Variants in USF3 observed in about 807,000 individuals in gnomAD.
The protein encoded by USF3 is upstream transcription factor family member 3, also known as basic helix-loop-helix domain-containing protein USF3.
A neutral mutation model predicts 157.5 loss-of-function variants in USF3; 29 were observed. That is an observed-to-expected ratio of 0.18 (90% CI 0.14 to 0.25). The LOEUF is 0.25. Ranked by LOEUF, USF3 falls within the 10% of genes least tolerant of loss-of-function variation. The pLI is 1.00. For synonymous variants in USF3, 893 were observed against 941.4 expected (o/e 0.95, Z 0.94); for missense variants, 2,381 against 2,667.6 (o/e 0.89, Z 2.37).
In USF3 at chr3:113,655,051, G is replaced by C. The variant is rs769128907; in HGVS notation, c.6631C>G (p.Leu2211Val). ...GAGGCAGAGGAATTTGCTATTGTAA[G>C]CAAAGGTGACATTGCTGAGCCATCA... is the stretch of plus-strand genomic sequence containing the variant. ...LPDGSAMSPL[L>V]TIANSSASDS... The change falls in exon 7 of 7, where the codon CTT becomes GTT. Residue 2211 changes from leucine (L) to valine (V), a missense_variant. Leu to Val is a conservative substitution (Grantham distance 32). Around this residue, in one of 6 missense-constraint regions of USF3, gnomAD observed 770 missense variants for 824.2 expected, o/e 0.93. Coordinates refer to ENST00000316407, the MANE Select transcript of USF3 (RefSeq NM_001009899.4). 8 of 1,614,224 alleles carry C rather than the reference G, an allele frequency of 5.0e-6. No individual in the cohort carries two copies. Among genetic ancestry groups the C allele is most frequent in the South Asian group, 1.1e-5 (1 of 91,086 alleles).
rs1947255311 is a variant in USF3 at position 113,651,187 on chromosome 3, A to C, written c.*3757T>G. On this transcript the variant is annotated 3_prime_UTR_variant, in exon 7 of 7. Transcript: ENST00000316407. ...CGGACTCTGTGATCAATAATGCTAA[A>C]AAAGAGACAGAGAAATGATTTAATC... The C allele has an allele frequency of 6.6e-6, 1 of 152,234 alleles. No individual in the cohort carries two copies. The highest frequency in any genetic ancestry group is 2.4e-5 in the African/African-American group (1 of 41,462). 9.4% of individuals were successfully genotyped at this position (152,234 alleles called of 1,614,324 possible).
chr3:113,669,240 G>A (rs866214557), intron 5 of USF3, among the ~76,000 whole-genome samples: 2 of 151,646 alleles, frequency 1.3e-5, no homozygotes, highest in Non-Finnish European at 2.9e-5. Context: ...GCATAACAAC[G>A]AGTCAATAGA....
At chr3:113,672,016 C>T (rs1707163743) in intron 4 of USF3, among the ~76,000 whole-genome samples, 1 of 152,102 alleles carries the variant, frequency 6.6e-6, no homozygotes, top group African/African-American at 2.4e-5. Context: ...AAATATCCTC[C>T]TGCCTTGGTC....
At chr3:113,681,943 A>G (rs967425684) in intron 1 of USF3, among the ~76,000 whole-genome samples, 1 of 150,700 alleles carries the variant, frequency 6.6e-6, no homozygotes, top group Non-Finnish European at 1.5e-5. Context: ...CTGGTCTTGA[A>G]CTCTTGACCT....
Position 113,656,465 on chromosome 3 carries a change from T to A in USF3, c.5217A>T (p.Pro1739=). ...IRLSDCQTFK[P]SGASQQPQSN... ...TCTGGGGCTGTTGACTAGCTCCACT[T>A]GGTTTAAACGTCTGACAATCAGAAA... Residue 1739 remains proline (P), a synonymous_variant, in exon 7 of 7, where the codon CCA becomes CCT. Coordinates refer to ENST00000316407, the MANE Select transcript of USF3 (RefSeq NM_001009899.4). The A allele has an allele frequency of 6.2e-7, 1 of 1,614,230 alleles. No individual in the cohort carries two copies. The highest frequency in any genetic ancestry group is 1.3e-5 in the African/African-American group (1 of 75,062).
intron 3 of USF3, among the ~76,000 whole-genome samples, chr3:113,674,280 G>A (rs1455384183): frequency 6.6e-6 from 1 of 151,856 alleles, no homozygotes; most frequent in Non-Finnish European, 1.5e-5. Flanking sequence ...ACATAGATTT[G>A]GTAATATATT....
At chr3:113,666,339 C>A (rs1374972767) in intron 5 of USF3, among the ~76,000 whole-genome samples, 12 of 144,566 alleles carry the variant, frequency 8.3e-5, no homozygotes, top group African/African-American at 2.3e-4. Context: ...GCAACCTCTG[C>A]CTTTCGGGCT....
In USF3 at chr3:113,661,130, C is replaced by A; in HGVS notation, c.552G>T (p.Val184=). 6.2e-7 allele frequency: 1 copy of A among 1,614,170 alleles called. No homozygotes were observed. The highest frequency in any genetic ancestry group is 1.1e-5 in the South Asian group (1 of 91,076). Residue 184 remains valine, a synonymous_variant, in exon 7 of 7, where the codon GTG becomes GTT. Coordinates refer to ENST00000316407, the MANE Select transcript of USF3 (RefSeq NM_001009899.4). The part of the protein sequence containing the change: ...HNLQKQTANV[V]PVQRTCNLVT... ...CAAGATTGCAAGTCCTCTGTACTGG[C>A]ACCACATTGGCGGTCTGCTTTTGTA... is the stretch of plus-strand genomic sequence containing the variant.
rs556486706 is a variant in USF3, at chr3:113,650,940, T to C, written c.*4004A>G. 5 of 152,108 alleles carry C rather than the reference T, an allele frequency of 3.3e-5. No homozygotes were observed. The highest frequency in any genetic ancestry group is 9.6e-5 in the African/African-American group (4 of 41,506). 9.4% of individuals were successfully genotyped at this position (152,108 alleles called of 1,614,324 possible). On this transcript the variant is annotated 3_prime_UTR_variant, in exon 7 of 7. Coordinates refer to ENST00000316407, the MANE Select transcript of USF3 (RefSeq NM_001009899.4). Reference sequence around the variant, plus strand: ...TCTGGTACCGCAAAAGGTCTTACAATAAAAACAAAAATAAATTTCCTGAAC... The same window carrying C: ...TCTGGTACCGCAAAAGGTCTTACAACAAAAACAAAAATAAATTTCCTGAAC...
intron 1 of USF3, among the ~76,000 whole-genome samples, chr3:113,680,709 G>A (rs982329218): frequency 1.3e-5 from 2 of 150,992 alleles, no homozygotes; most frequent in Non-Finnish European, 2.9e-5. Flanking sequence ...GCTGAGGCAG[G>A]AGAATCACTT....
At chr3:113,662,699 T>C (rs1314634174) in intron 6 of USF3, among the ~76,000 whole-genome samples, 1 of 152,206 alleles carries the variant, frequency 6.6e-6, no homozygotes, top group Non-Finnish European at 1.5e-5. Flanking sequence ...GCACATTTCA[T>C]TCCTTGTTTC....
chr3:113,677,202 C>T (rs919805942), intron 2 of USF3, 80 bp downstream of exon 2: 1 of 152,158 alleles, frequency 6.6e-6, no homozygotes, highest in African/African-American at 2.4e-5. Flanking sequence ...AAGCAATGAG[C>T]TCACATTAGG....
At chr3:113,688,494 A>C (rs1393627111) in intron 1 of USF3, among the ~76,000 whole-genome samples, 1 of 152,214 alleles carries the variant, frequency 6.6e-6, no homozygotes, top group East Asian at 1.9e-4. Context: ...GTGGTTCTGA[A>C]AACTGAATAC....
At chr3:113,675,987 C>A (rs1707270925) in intron 2 of USF3, among the ~76,000 whole-genome samples, 1 of 152,206 alleles carries the variant, frequency 6.6e-6, no homozygotes, top group Non-Finnish European at 1.5e-5. Context: ...TTCCTAATCT[C>A]CATCGGAGAC....
At chr3:113,673,876 A>G (rs891516952) in intron 3 of USF3, among the ~76,000 whole-genome samples, 2 of 152,178 alleles carry the variant, frequency 1.3e-5, no homozygotes, top group African/African-American at 4.8e-5. Context: ...CATCTGAGCT[A>G]TCTTGTATTT....
chr3:113,656,565 A>G lies in USF3; in HGVS notation c.5117T>C (p.Val1706Ala), dbSNP rs1947363849. The G allele has an allele frequency of 1.9e-6, 3 of 1,614,086 alleles. No individual in the cohort carries two copies. Among genetic ancestry groups the G allele is most frequent in the African/African-American group, 1.3e-5 (1 of 74,930 alleles). Residue 1706 changes from valine to alanine, a missense_variant, in exon 7 of 7, where the codon GTT (valine) becomes GCT (alanine). This residue lies in a region of USF3 where 770 missense variants were observed against 824.2 expected (regional missense o/e 0.93). Transcript: ENST00000316407. ...DQLEMRSYLD[V>A]PRNKSLAIHN... ...AATAGCCAAACTCTTATTTCTGGGA[A>G]CATCAAGATAGCTTCTCATTTCAAG...
chr3:113,678,335 G>C (rs1048963173), intron 1 of USF3, among the ~76,000 whole-genome samples: 2 of 152,030 alleles, frequency 1.3e-5, no homozygotes, highest in Non-Finnish European at 2.9e-5. Context: ...TAAACATCTA[G>C]AGTATTTTTT....
chr3:113,654,966 T>C lies in USF3; in HGVS notation c.6716A>G (p.His2239Arg). The C allele has an allele frequency of 6.2e-7, 1 of 1,610,130 alleles. No homozygotes were observed. ...PAHNISHILG[H>R]DCSSAV Reference sequence around the variant, plus strand: ...TATTTAAACAGCTGAACTGCAATCATGACCTAGAATATGGCTTATGTTATG... The same window carrying C: ...TATTTAAACAGCTGAACTGCAATCACGACCTAGAATATGGCTTATGTTATG... Residue 2239 changes from histidine (H) to arginine (R), a missense_variant, in exon 7 of 7, where the codon CAT becomes CGT. This residue lies in a region of USF3 where 20 missense variants were observed against 36.6 expected (regional missense o/e 0.55). Coordinates refer to ENST00000316407, the MANE Select transcript of USF3 (RefSeq NM_001009899.4).
At position 113,654,145 on chromosome 3, in the gene USF3, CAACT is replaced by C. The variant is rs1251949858; in HGVS notation, c.*795_*798del. The C allele has an allele frequency of 7.2e-5, 11 of 152,754 alleles. No homozygotes were observed. The highest frequency in any genetic ancestry group is 2.6e-4 in the African/African-American group (11 of 41,576). 9.5% of individuals were successfully genotyped at this position (152,754 alleles called of 1,614,324 possible). ...TGCACCCATGCAAAACTCCACAATA[CAACT>C]AACTGCTTTTACCCTTATGACCCGA... On this transcript the variant is annotated 3_prime_UTR_variant, in exon 7 of 7. Coordinates refer to ENST00000316407, the MANE Select transcript of USF3 (RefSeq NM_001009899.4).
Sources: gnomAD v4.1 joint callset for allele counts (sites outside exome capture counted in the v4.1 genomes callset) on GRCh38, gnomAD v4.1.1 for gene constraint, gnomAD v4.1.1 regional missense constraint, MANE v1.5 for transcripts, NCBI Gene and HGNC (gene_info 2026-07-23, HGNC 2026-07-21) for gene names.